PDZD2: variants seen among roughly 807,000 people sequenced by gnomAD.
PDZD2 encodes the protein PDZ domain-containing protein 2.
PDZD2 carries 90 observed loss-of-function variants against 220.7 expected under a neutral mutation model. That is an observed-to-expected ratio of 0.41 (90% confidence interval 0.34 to 0.49). The LOEUF (loss-of-function observed/expected upper bound fraction) is 0.49, where lower values mean the gene tolerates loss of function less well. Ranked by LOEUF, PDZD2 falls within the 20% of genes least tolerant of loss-of-function variation. The pLI, the probability that PDZD2 is intolerant of heterozygous loss-of-function variation, is 0.28. For synonymous variants in PDZD2, 1,375 were observed against 1,450.5 expected (o/e 0.95, Z 1.18); for missense variants, 3,174 against 3,608.5 (o/e 0.88, Z 3.08).
chr5:32,107,894 G>C, intron 24 of PDZD2, 75 bp from the exon 25 acceptor site: 3 of 931,688 alleles, frequency 3.2e-6, no homozygotes, highest in East Asian at 2.5e-5. Context: ...TCACTTAAAA[G>C]TTTTTAGTTT....
chr5:31,725,462 A>C (rs1749068535), intron 1 of PDZD2: 1 of 1,230,068 alleles, frequency 8.1e-7, no homozygotes, highest in Non-Finnish European at 1.1e-6. Context: ...TATTCCTGAT[A>C]ATTTAAGTAA....
At position 32,101,363 on chromosome 5, in the gene PDZD2, A is replaced by T. The variant is rs748216210; in HGVS notation, c.8353+124A>T. Reference sequence around the variant, plus strand: ...TAAACTGTTTTTAATGCTTTGTGACATACAAGGTTTATTCTGTATGGACAT... The same window carrying T: ...TAAACTGTTTTTAATGCTTTGTGACTTACAAGGTTTATTCTGTATGGACAT... On this transcript the variant is annotated intron_variant, in intron 24 of 24. Coordinates refer to ENST00000438447, the MANE Select transcript of PDZD2 (RefSeq NM_178140.4). 3.1e-5 allele frequency: 28 copies of T among 903,356 alleles called. No homozygotes were observed. The South Asian group carries it at 4.8e-4, about 15-fold the overall frequency. 56.0% of individuals were successfully genotyped at this position (903,356 alleles called of 1,614,324 possible). A position where few individuals can be genotyped will look rare whatever the true frequency, so the allele number is the denominator to read the frequency against.
intron 1 of PDZD2, among the ~76,000 whole-genome samples, chr5:31,669,248 A>T (rs555908036): frequency 7.2e-5 from 11 of 152,168 alleles, no homozygotes; most frequent in African/African-American, 2.4e-4. Flanking sequence ...AAAAAATTTT[A>T]AAAATTAGGC....
At chr5:31,968,729 C>T (rs1302425879) in intron 2 of PDZD2, among the ~76,000 whole-genome samples, 1 of 152,078 alleles carries the variant, frequency 6.6e-6, no homozygotes, top group Non-Finnish European at 1.5e-5. Context: ...CATATGAAGA[C>T]AAAACACAAA....
intron 7 of PDZD2, 152 bp downstream of exon 7, chr5:32,037,494 A>G (rs1003141061): frequency 2.7e-5 from 16 of 598,486 alleles, no homozygotes; most frequent in African/African-American, 2.4e-4. Context: ...AGGCATAACA[A>G]CTGCATTTAG....
intron 1 of PDZD2, among the ~76,000 whole-genome samples, chr5:31,790,384 C>T (rs1010237932): frequency 2.0e-5 from 3 of 152,214 alleles, no homozygotes; most frequent in Non-Finnish European, 4.4e-5. Flanking sequence ...AGGCGTGAGC[C>T]ACCGCTCCTG....
At chr5:32,078,761 C>T (rs1036573465) in intron 19 of PDZD2, among the ~76,000 whole-genome samples, 4 of 149,482 alleles carry the variant, frequency 2.7e-5, no homozygotes, top group African/African-American at 5.0e-5. Flanking sequence ...GCTATGATCA[C>T]GCCACTACAC....
intron 1 of PDZD2, among the ~76,000 whole-genome samples, chr5:31,664,461 C>G (rs57980091): frequency 0.058 from 7,893 of 136,390 alleles, 622 homozygotes; most frequent in African/African-American, 0.18. Flanking sequence ...TACACACACA[C>G]ACACACACAC....
chr5:31,871,798 C>T (rs1046432957), intron 2 of PDZD2, among the ~76,000 whole-genome samples: 11 of 151,780 alleles, frequency 7.2e-5, no homozygotes, highest in African/African-American at 1.9e-4. Context: ...ATAAAATGAA[C>T]ATAAATACAG....
rs147423353 is a variant in PDZD2 at position 31,958,959 on chromosome 5, G to A, written c.477-24196G>A. Among the ~76,000 whole-genome samples the A allele has an allele frequency of 7.7e-3, 1,137 of 147,916 alleles. 11 individuals are homozygous for A. The highest frequency in any genetic ancestry group is 0.013 in the Non-Finnish European group (847 of 67,070). On this transcript the variant is annotated intron_variant, in intron 2 of 24. Coordinates refer to ENST00000438447, the MANE Select transcript of PDZD2 (RefSeq NM_178140.4). ...CGATTGATTGATTGATTGAGATGGA[G>A]TCTCGCTCTGTCACCCAGGCTGGAG... is the stretch of plus-strand genomic sequence containing the variant.
intron 1 of PDZD2, among the ~76,000 whole-genome samples, chr5:31,684,251 C>T (rs1746762149): frequency 6.6e-6 from 1 of 152,180 alleles, no homozygotes; most frequent in Non-Finnish European, 1.5e-5. Flanking sequence ...ACAGTAGAGT[C>T]CTTGATTTAC....
intron 2 of PDZD2, among the ~76,000 whole-genome samples, chr5:31,894,535 G>C (rs1741360983): frequency 6.6e-6 from 1 of 152,070 alleles, no homozygotes; most frequent in South Asian, 2.1e-4. Context: ...AATCTTTAAA[G>C]GGAAAATTCT....
At chr5:32,032,600 T>C (rs557366758) in intron 6 of PDZD2, among the ~76,000 whole-genome samples, 1 of 152,336 alleles carries the variant, frequency 6.6e-6, no homozygotes, top group East Asian at 1.9e-4. Flanking sequence ...GTTTCCAGAA[T>C]TTGTTGCTTT....
At position 31,737,670 on chromosome 5, in the gene PDZD2, A is replaced by G. The variant is rs189556592; in HGVS notation, c.-360-61219A>G. 7.4e-4 allele frequency among the ~76,000 whole-genome samples: 112 copies of G among 152,282 alleles called. 1 individual carries two copies. In the South Asian group the frequency reaches 0.012, roughly 16 times the overall value. On this transcript the variant is annotated intron_variant, in intron 1 of 24. Coordinates refer to ENST00000438447, the MANE Select transcript of PDZD2 (RefSeq NM_178140.4). Reference sequence around the variant, plus strand: ...TATCGGAGTGGCTAAAATAATGCAGATGTCCTCTTGAGGTTTCATCTCCTT... The same window carrying G: ...TATCGGAGTGGCTAAAATAATGCAGGTGTCCTCTTGAGGTTTCATCTCCTT...
rs189294119 is a variant in PDZD2 at position 31,698,484 on chromosome 5, A to C, written c.-361+59047A>C. ...CGTGGTAGCGGGCGCCTGTAGTCCCAGCTACTCGGGAGGCTGAGGCAGGAG... is the reference window on the plus strand; with the variant it reads ...CGTGGTAGCGGGCGCCTGTAGTCCCCGCTACTCGGGAGGCTGAGGCAGGAG... On this transcript the variant is annotated intron_variant, in intron 1 of 24. Transcript: ENST00000438447. Among the ~76,000 whole-genome samples, 38 of 151,258 alleles carry C rather than the reference A, an allele frequency of 2.5e-4. No individual in the cohort carries two copies. In the East Asian group the frequency reaches 7.0e-3, roughly 28 times the overall value.
intron 1 of PDZD2, among the ~76,000 whole-genome samples, chr5:31,748,976 A>G (rs930103374): frequency 2.0e-5 from 3 of 152,184 alleles, no homozygotes; most frequent in Non-Finnish European, 4.4e-5. Flanking sequence ...CTGGAGTAGC[A>G]CTGGAATAAC....
chr5:31,733,435 C>T (rs1052196359), intron 1 of PDZD2, among the ~76,000 whole-genome samples: 2 of 152,214 alleles, frequency 1.3e-5, no homozygotes, highest in African/African-American at 4.8e-5. Flanking sequence ...CATTCTTTCT[C>T]ACTCTCAATC....
intron 2 of PDZD2, among the ~76,000 whole-genome samples, chr5:31,966,490 T>C (rs1367698638): frequency 1.3e-5 from 2 of 152,222 alleles, no homozygotes; most frequent in African/African-American, 4.8e-5. Context: ...CCTCTGCATT[T>C]TCCTGTCTGA....
intron 6 of PDZD2, among the ~76,000 whole-genome samples, chr5:32,030,871 T>G (rs994974631): frequency 5.9e-4 from 90 of 152,302 alleles, no homozygotes; most frequent in African/African-American, 2.1e-3. Flanking sequence ...CCTCATTTCA[T>G]GCATTTCTCG....
Sources: gnomAD v4.1 joint callset for allele counts (sites outside exome capture counted in the v4.1 genomes callset) on GRCh38, gnomAD v4.1.1 for gene constraint, MANE v1.5 for transcripts, NCBI Gene and HGNC (gene_info 2026-07-23, HGNC 2026-07-21) for gene names.